COL6A5: variants seen among roughly 807,000 people sequenced by gnomAD.
COL6A5 encodes the protein collagen alpha-5(VI) chain.
In COL6A5, 48 loss-of-function variants were observed where a neutral mutation model predicts 65.6. That is an observed-to-expected ratio of 0.73 (90% CI 0.58 to 0.93). The LOEUF (loss-of-function observed/expected upper bound fraction) is 0.93, where lower values mean the gene tolerates loss of function less well. Ranked by LOEUF, COL6A5 falls within the 40% of genes least tolerant of loss-of-function variation. The probability of loss-of-function intolerance (pLI) is 0.00; values close to 1 mark genes in which losing one functional copy is unlikely to be tolerated. For synonymous variants in COL6A5, 291 were observed against 322.8 expected (o/e 0.90, Z 1.05); for missense variants, 914 against 928.3 (o/e 0.98, Z 0.20).
At chr3:130,414,909 A>G (rs909454417) in intron 22 of COL6A5, among the ~76,000 whole-genome samples, 1 of 152,084 alleles carries the variant, frequency 6.6e-6, no homozygotes, top group Non-Finnish European at 1.5e-5. Flanking sequence ...GAACCAAGCT[A>G]TGAGCTAGCA....
chr3:130,440,886 T>C, intron 3 of COL6A5, 61 bp downstream of exon 35: 1 of 1,231,930 alleles, frequency 8.1e-7, no homozygotes, highest in African/African-American at 1.5e-5. Flanking sequence ...TAATACAGTA[T>C]TGATAACCTA....
At chr3:130,400,300 A>C (rs950567173) in intron 10 of COL6A5, among the ~76,000 whole-genome samples, 1 of 152,236 alleles carries the variant, frequency 6.6e-6, no homozygotes, top group Non-Finnish European at 1.5e-5. Context: ...TTCTCAGAGC[A>C]ACTATCTGAT....
chr3:130,416,564 C>T (rs967725748), intron 23 of COL6A5, among the ~76,000 whole-genome samples, 193 bp from the exon 24 acceptor site: 1 of 152,118 alleles, frequency 6.6e-6, no homozygotes, highest in Non-Finnish European at 1.5e-5. Context: ...ATGTGGTCCT[C>T]TAACTAGGAC....
At chr3:130,366,250 G>A (rs1935337883) in intron 1 of COL6A5, among the ~76,000 whole-genome samples, 1 of 152,160 alleles carries the variant, frequency 6.6e-6, no homozygotes. Context: ...AGAAGCTTAT[G>A]GGTTAGATAC....
chr3:130,360,815 A>G (rs1219399097), intron 1 of COL6A5, among the ~76,000 whole-genome samples: 1 of 152,086 alleles, frequency 6.6e-6, no homozygotes, highest in African/African-American at 2.4e-5. Flanking sequence ...GATATAATTT[A>G]TATATAATAT....
In COL6A5 at chr3:130,379,499, A is replaced by G. The variant is rs763085994; in HGVS notation, c.749A>G (p.Asn250Ser). The G allele has an allele frequency of 7.7e-6, 12 of 1,551,352 alleles. No individual in the cohort carries two copies. In the South Asian group the frequency reaches 1.2e-4, roughly 15 times the overall value. The stretch of plus-strand genomic sequence containing the variant: ...GATGAGTCACTTGGGACCGGAGGAA[A>G]TTTAAGGCATCTTCAGACCTTCCTT... The change falls in exon 4 of 42, where the codon AAT becomes AGT. Residue 250 changes from asparagine to serine, a missense_variant and NMD_transcript_variant. By Grantham distance (46) the Asn-to-Ser change is conservative. Transcript: ENST00000312481.
chr3:130,407,355 A>T (rs1001618738), intron 17 of COL6A5, among the ~76,000 whole-genome samples: 24 of 152,222 alleles, frequency 1.6e-4, no homozygotes, highest in African/African-American at 5.8e-4. Flanking sequence ...TTTTAACCGT[A>T]AGGCAATGGG....
At chr3:130,473,083 A>G (rs993768178) in intron 7 of COL6A5, among the ~76,000 whole-genome samples, 2 of 151,504 alleles carry the variant, frequency 1.3e-5, no homozygotes, top group African/African-American at 4.8e-5. Flanking sequence ...CAAATTAAAT[A>G]TAAGTATATT....
At chr3:130,397,780 T>C in exon 9 of COL6A5, 2 of 1,551,680 alleles carry the variant, frequency 1.3e-6, no homozygotes, top group Non-Finnish European at 1.7e-6. Context: ...TGACCAAGGA[T>C]TCCCTGCCAA....
intron 2 of COL6A5, among the ~76,000 whole-genome samples, chr3:130,375,132 C>T (rs1036742035): frequency 2.0e-5 from 3 of 152,128 alleles, no homozygotes; most frequent in African/African-American, 2.4e-5. Context: ...TTACCAGACT[C>T]TTCTTATCTG....
intron 7 of COL6A5, among the ~76,000 whole-genome samples, chr3:130,392,045 T>A (rs1284289302): frequency 6.6e-6 from 1 of 152,166 alleles, no homozygotes; most frequent in Non-Finnish European, 1.5e-5. Context: ...CTTCTTAGGG[T>A]CATATTCACC....
intron 1 of COL6A5, among the ~76,000 whole-genome samples, chr3:130,362,252 T>TTCTCTCTTTCTCTCTCTC (rs1553744416): frequency 8.7e-6 from 1 of 114,364 alleles, no homozygotes; most frequent in African/African-American, 3.5e-5. Flanking sequence ...TAAGGTTTCT[T>TTCTCTCTTTCTCTCTCTC]TCTCTCTCTC....
intron 1 of COL6A5, among the ~76,000 whole-genome samples, chr3:130,361,796 C>T (rs12485916): frequency 0.59 from 88,972 of 151,942 alleles, 29,586 homozygotes; most frequent in Non-Finnish European, 0.75. Context: ...TAGCATCTTA[C>T]TCTTTTAATT....
intron 7 of COL6A5, among the ~76,000 whole-genome samples, chr3:130,474,955 T>C (rs545469911): frequency 7.7e-6 from 1 of 130,176 alleles, no homozygotes; most frequent in Non-Finnish European, 1.5e-5. Context: ...TGTAGTGAGC[T>C]ATGATCATGC....
intron 1 of COL6A5, among the ~76,000 whole-genome samples, chr3:130,368,951 G>T (rs918540768): frequency 2.2e-4 from 33 of 152,198 alleles, no homozygotes; most frequent in African/African-American, 7.0e-4. Context: ...CTGGTTCTGT[G>T]ACCTCAGATC....
chr3:130,472,552 T>C (rs1709977429), intron 7 of COL6A5, among the ~76,000 whole-genome samples: 1 of 151,998 alleles, frequency 6.6e-6, no homozygotes, highest in Non-Finnish European at 1.5e-5. Context: ...TGGGAAATGA[T>C]TTTAAAATAA....
At chr3:130,413,279 AC>A (rs1937234706) in intron 20 of COL6A5, among the ~76,000 whole-genome samples, 1 of 151,932 alleles carries the variant, frequency 6.6e-6, no homozygotes, top group East Asian at 1.9e-4. Flanking sequence ...GATTCTCTAA[AC>A]AGCCTCCTGG....
At chr3:130,429,670 G>T, upstream of COL6A5, 14 of 1,118,666 alleles carry the variant, frequency 1.3e-5, no homozygotes, top group South Asian at 2.2e-4. Flanking sequence ...CCTCAACTCC[G>T]TGGGAAACAG....
chr3:130,436,756 C>G (rs1476705334), intron 1 of COL6A5, among the ~76,000 whole-genome samples: 1 of 152,084 alleles, frequency 6.6e-6, no homozygotes, highest in African/African-American at 2.4e-5. Flanking sequence ...ATTGTCCCTT[C>G]TCAGTCTAAT....
Sources: allele counts gnomAD v4.1 joint callset (sites outside exome capture counted in the v4.1 genomes callset), GRCh38; gene constraint gnomAD v4.1.1; transcripts MANE v1.5; gene names NCBI Gene and HGNC (gene_info 2026-07-23, HGNC 2026-07-21).